Variants in GALK2 observed in about 807,000 individuals in gnomAD.
GALK2 encodes N-acetylgalactosamine kinase.
Under a neutral mutation model 52.4 loss-of-function variants are expected in GALK2, and 36 were observed. The observed-to-expected ratio is 0.69, with a 90% CI of 0.53 to 0.91. The LOEUF (loss-of-function observed/expected upper bound fraction) is 0.91. Ranked by LOEUF, GALK2 falls within the 40% of genes least tolerant of loss-of-function variation. The probability of loss-of-function intolerance (pLI) is 0.00; values close to 1 mark genes in which losing one functional copy is unlikely to be tolerated. For missense variants in GALK2, 579 were observed against 559.1 expected (o/e 1.04, Z -0.36); for synonymous variants, 176 against 199.1 (o/e 0.88, Z 0.98).
chr15:49,187,109 A>G (rs1295694372), intron 1 of GALK2, among the ~76,000 whole-genome samples: 2 of 152,204 alleles, frequency 1.3e-5, no homozygotes, highest in African/African-American at 4.8e-5. Flanking sequence ...ATTGAGTATT[A>G]CGATCTAAGT....
At chr15:49,262,954 T>A (rs1450876525) in intron 5 of GALK2, among the ~76,000 whole-genome samples, 2 of 145,134 alleles carry the variant, frequency 1.4e-5, no homozygotes, top group South Asian at 4.5e-4. Context: ...TAATTTCTGT[T>A]CTTTTACATC....
intron 6 of GALK2, 97 bp downstream of exon 6, chr15:49,282,182 G>A: frequency 1.3e-6 from 1 of 795,870 alleles, no homozygotes; most frequent in East Asian, 2.5e-5. Flanking sequence ...CTTGGTTATG[G>A]ACAGCCTACT....
intron 5 of GALK2, among the ~76,000 whole-genome samples, chr15:49,262,997 T>C (rs1214571790): frequency 6.9e-6 from 1 of 145,428 alleles, no homozygotes; most frequent in Non-Finnish European, 1.5e-5. Flanking sequence ...AAGTATGTGG[T>C]CAGTTTTGGA....
chr15:49,266,762 G>A (rs2092376336), intron 5 of GALK2, among the ~76,000 whole-genome samples: 1 of 152,170 alleles, frequency 6.6e-6, no homozygotes, highest in Non-Finnish European at 1.5e-5. Context: ...ATGGGAGATT[G>A]GGTGTGTGTG....
rs563918331 is a variant in GALK2 at position 49,180,558 on chromosome 15, T to C, written c.53+10183T>C. 2.6e-5 allele frequency among the ~76,000 whole-genome samples: 4 copies of C among 152,340 alleles called. No individual in the cohort carries two copies. The East Asian group carries it at 7.7e-4, about 29-fold the overall frequency. ...CCAGTGAGCTTTTTCAAATGCAAAA[T>C]TGATGATTTACTTCATTTTTAAACA... On this transcript the variant is annotated intron_variant, in intron 1 of 9. Transcript: ENST00000560031.
chr15:49,298,251 T>A (rs894243799), intron 8 of GALK2, among the ~76,000 whole-genome samples: 3 of 152,174 alleles, frequency 2.0e-5, no homozygotes, highest in Non-Finnish European at 2.9e-5. Context: ...TACTACTGAT[T>A]TTTGTACATG....
rs146730067 is a variant in GALK2, at chr15:49,155,811, G to A, written c.-186G>A. On this transcript the variant is annotated 5_prime_UTR_variant, in exon 1 of 10. Coordinates refer to the GALK2 transcript ENST00000327171. Reference sequence around the variant, plus strand: ...GCCTTAGCAACTAAAGCTGGCAACTGGGACATCGTCCGGTGCTGCAGGTCT... The same window carrying A: ...GCCTTAGCAACTAAAGCTGGCAACTAGGACATCGTCCGGTGCTGCAGGTCT... 9.1e-4 allele frequency: 646 copies of A among 712,158 alleles called. 3 individuals carry two copies. In the African/African-American group the frequency reaches 0.011, roughly 12 times the overall value. 44.1% of individuals were successfully genotyped at this position (712,158 alleles called of 1,614,324 possible). A position where few individuals can be genotyped will look rare whatever the true frequency, so the allele number is the denominator to read the frequency against.
rs116340638 is a variant in GALK2 at position 49,281,361 on chromosome 15, G to T, written c.505-626G>T. Reference sequence around the variant, plus strand: ...CCCAGATTTTGGAAGCCTTCGAAATGCCTGGTTGAGGCGTTTAGATTTATT... The same window carrying T: ...CCCAGATTTTGGAAGCCTTCGAAATTCCTGGTTGAGGCGTTTAGATTTATT... On this transcript the variant is annotated intron_variant, in intron 5 of 9. Coordinates refer to ENST00000560031, the MANE Select transcript of GALK2 (RefSeq NM_002044.4). Among the ~76,000 whole-genome samples, 1,320 of 152,314 alleles carry T rather than the reference G, an allele frequency of 8.7e-3. 23 individuals are homozygous for T. Among genetic ancestry groups the T allele is most frequent in the African/African-American group, 0.031 (1,268 of 41,568 alleles).
chr15:49,258,894 G>A (rs2091949816), intron 5 of GALK2, among the ~76,000 whole-genome samples: 1 of 149,228 alleles, frequency 6.7e-6, no homozygotes, highest in African/African-American at 2.5e-5. Flanking sequence ...TTTCTCTGAT[G>A]GCCAGTGATG....
intron 9 of GALK2, chr15:49,326,912 T>C (rs1338105506): frequency 1.3e-5 from 2 of 152,234 alleles, no homozygotes; most frequent in African/African-American, 4.8e-5. Flanking sequence ...TCTATTGATA[T>C]GTCCAGGAAG....
chr15:49,328,678 AT>A lies in GALK2; in HGVS notation c.*520del. ...CTCTCAATTTCAGCTTCGGAACGCTATGAAAATAATACATGATTAAAGTTTC... is the reference window on the plus strand; with the variant it reads ...CTCTCAATTTCAGCTTCGGAACGCTAGAAAATAATACATGATTAAAGTTTC... On this transcript the variant is annotated 3_prime_UTR_variant, in exon 10 of 10. Transcript: ENST00000560031. 1.3e-6 allele frequency: 2 copies of A among 1,553,842 alleles called. No individual in the cohort carries two copies.
chr15:49,328,342 T>C lies in GALK2; in HGVS notation c.*183T>C. 1 of 1,429,966 alleles carries C rather than the reference T, an allele frequency of 7.0e-7. No homozygotes were observed. The allele number at this position is 1,429,966 out of a possible 1,614,324, so 88.6% of individuals were successfully genotyped here. ...ATGCTTCATAATGATTCTTTTTCCA[T>C]CTTAAAATATGGTTTTACTATTAAG... On this transcript the variant is annotated 3_prime_UTR_variant, in exon 10 of 10. Transcript: ENST00000560031.
rs1567083625 is a variant in GALK2 at position 49,331,517 on chromosome 15, T to G, written c.*3358T>G. On this transcript the variant is annotated 3_prime_UTR_variant, in exon 10 of 10. Transcript: ENST00000560031. ...AACATCAGTGATTATTAGTTTGTAA[T>G]TCTAACTGCATTTGGAGCTTTTCAG... is the stretch of plus-strand genomic sequence containing the variant. 5 of 397,688 alleles carry G rather than the reference T, an allele frequency of 1.3e-5. No homozygotes were observed. The East Asian group carries it at 2.2e-4, about 17-fold the overall frequency. The allele number at this position is 397,688 out of a possible 1,614,324, so 24.6% of individuals were successfully genotyped here.
At chr15:49,258,756 A>G (rs558652506) in intron 5 of GALK2, among the ~76,000 whole-genome samples, 1 of 150,990 alleles carries the variant, frequency 6.6e-6, no homozygotes, top group African/African-American at 2.4e-5. Flanking sequence ...CTATATCCCC[A>G]GAAGCACATT....
chr15:49,161,102 A>ATGTTGATTTACATTTAAATATAT (rs2084637822), intron 1 of GALK2, among the ~76,000 whole-genome samples: 1 of 152,256 alleles, frequency 6.6e-6, no homozygotes, highest in Non-Finnish European at 1.5e-5. Flanking sequence ...ATGAAACTGC[A>ATGTTGATTTACATTTAAATATAT]TGTTGATTTA....
intron 1 of GALK2, among the ~76,000 whole-genome samples, chr15:49,186,694 A>G (rs1419458582): frequency 2.0e-5 from 3 of 151,868 alleles, no homozygotes; most frequent in East Asian, 1.9e-4. Flanking sequence ...GTGCACTACC[A>G]CACCCAGCTA....
chr15:49,191,093 C>A (rs115440446), intron 1 of GALK2, among the ~76,000 whole-genome samples: 35 of 151,752 alleles, frequency 2.3e-4, no homozygotes, highest in Non-Finnish European at 4.0e-4. Flanking sequence ...ATGGGCTAAA[C>A]GGAGGTTGGT....
At chr15:49,244,431 A>G (rs1648955560) in intron 5 of GALK2, among the ~76,000 whole-genome samples, 2 of 152,194 alleles carry the variant, frequency 1.3e-5, no homozygotes, top group African/African-American at 4.8e-5. Context: ...AAAAGAACGG[A>G]AAGAAATCAT....
At chr15:49,311,418 C>T (rs7179127) in intron 8 of GALK2, among the ~76,000 whole-genome samples, 62,591 of 152,044 alleles carry the variant, frequency 0.41, 13,045 homozygotes, top group African/African-American at 0.43. Flanking sequence ...GATTTTCTCT[C>T]CTGTTACATT....
Sources: allele counts gnomAD v4.1 joint callset (sites outside exome capture counted in the v4.1 genomes callset), GRCh38; gene constraint gnomAD v4.1.1; transcripts MANE v1.5; gene names NCBI Gene and HGNC (gene_info 2026-07-23, HGNC 2026-07-21).